Variants in CERT1 observed in about 807,000 individuals in gnomAD.
CERT1 encodes the protein ceramide transporter 1, also known as ceramide transfer protein.
CERT1 carries 31 observed loss-of-function variants against 87.9 expected under a neutral mutation model. The ratio of observed to expected loss-of-function variants is 0.35; its 90% CI spans 0.27 to 0.48. CERT1 has a LOEUF of 0.48. CERT1 is among the 20% of genes least tolerant of loss of function. CERT1 has a pLI of 0.99. For synonymous variants in CERT1, 289 were observed against 250.9 expected (o/e 1.15, Z -1.44); for missense variants, 487 against 758.0 (o/e 0.64, Z 4.20).
At chr5:75,407,834 G>A (rs973998159) in intron 8 of CERT1, among the ~76,000 whole-genome samples, 2 of 146,852 alleles carry the variant, frequency 1.4e-5, no homozygotes, top group East Asian at 2.0e-4. Context: ...GCCTTAAAGC[G>A]TGATAAAATA....
chr5:75,444,276 G>GA (rs1764444991), intron 3 of CERT1, among the ~76,000 whole-genome samples: 1 of 151,978 alleles, frequency 6.6e-6, no homozygotes, highest in Non-Finnish European at 1.5e-5. Flanking sequence ...GGCTGGTCTT[G>GA]AACTCCTGAC....
At chr5:75,371,858 A>G (rs549119423) in intron 17 of CERT1, 6 of 152,338 alleles carry the variant, frequency 3.9e-5, no homozygotes, top group Non-Finnish European at 7.3e-5. Flanking sequence ...GCTTAATGAA[A>G]ATAATTGTAG....
At chr5:75,441,928 G>C (rs568003518) in intron 3 of CERT1, among the ~76,000 whole-genome samples, 1 of 152,268 alleles carries the variant, frequency 6.6e-6, no homozygotes, top group East Asian at 1.9e-4. Flanking sequence ...ACCCAGAAGT[G>C]GTAGATCATA....
chr5:75,508,467 T>C (rs933034312), intron 1 of CERT1, among the ~76,000 whole-genome samples: 1 of 152,184 alleles, frequency 6.6e-6, no homozygotes, highest in African/African-American at 2.4e-5. Flanking sequence ...TATAAGAGAC[T>C]GAACAAACTG....
chr5:75,455,753 T>C (rs1326702869), intron 3 of CERT1, among the ~76,000 whole-genome samples: 1 of 152,190 alleles, frequency 6.6e-6, no homozygotes, highest in African/African-American at 2.4e-5. Flanking sequence ...GAATTGTTCA[T>C]AAACAGTCCG....
chr5:75,446,412 C>T (rs1764538705), intron 3 of CERT1, among the ~76,000 whole-genome samples: 1 of 152,082 alleles, frequency 6.6e-6, no homozygotes, highest in Admixed American at 6.6e-5. Context: ...TCTTAACTTT[C>T]CCCACATCTT....
At chr5:75,475,393 T>C (rs1202785538) in intron 2 of CERT1, among the ~76,000 whole-genome samples, 1 of 152,126 alleles carries the variant, frequency 6.6e-6, no homozygotes, top group Non-Finnish European at 1.5e-5. Context: ...CAATTTTCGT[T>C]TTAAGTGATA....
At chr5:75,477,595 T>C (rs4704223) in intron 2 of CERT1, among the ~76,000 whole-genome samples, 77,544 of 141,390 alleles carry the variant, frequency 0.55, 23,964 homozygotes, top group African/African-American at 0.87. Flanking sequence ...ATATATAGCA[T>C]ATATAAGTTC....
At chr5:75,508,660 C>T (rs1490891286) in intron 1 of CERT1, among the ~76,000 whole-genome samples, 1 of 152,052 alleles carries the variant, frequency 6.6e-6, no homozygotes, top group African/African-American at 2.4e-5. Flanking sequence ...AACAGGCCAG[C>T]AGACACAAAC....
intron 12 of CERT1, among the ~76,000 whole-genome samples, chr5:75,387,108 A>T (rs1343177839): frequency 6.6e-6 from 1 of 152,000 alleles, no homozygotes; most frequent in Non-Finnish European, 1.5e-5. Flanking sequence ...ACCTCAGATG[A>T]TCTGCCCGCC....
At chr5:75,397,816 C>T (rs1328237535) in intron 11 of CERT1, among the ~76,000 whole-genome samples, 1 of 152,084 alleles carries the variant, frequency 6.6e-6, no homozygotes, top group African/African-American at 2.4e-5. Flanking sequence ...GTCAGGAGTG[C>T]TAGACCAGCC....
At chr5:75,473,256 A>G (rs1232775887) in intron 2 of CERT1, among the ~76,000 whole-genome samples, 1 of 151,882 alleles carries the variant, frequency 6.6e-6, no homozygotes, top group Non-Finnish European at 1.5e-5. Flanking sequence ...CATTTTTTAA[A>G]TTTTTTGTAG....
chr5:75,503,871 T>A (rs114668145), intron 2 of CERT1, among the ~76,000 whole-genome samples: 6,322 of 39,970 alleles, frequency 0.16, 141 homozygotes, highest in African/African-American at 0.19. Context: ...CATTTAAATT[T>A]TTTGTTTAAT....
intron 2 of CERT1, among the ~76,000 whole-genome samples, chr5:75,486,228 C>T (rs191712102): frequency 6.6e-6 from 1 of 152,048 alleles, no homozygotes; most frequent in Non-Finnish European, 1.5e-5. Context: ...ACATTATATC[C>T]ACAGAATGAA....
At chr5:75,510,963 C>A in intron 1 of CERT1, 149 bp downstream of exon 1, 1 of 1,135,696 alleles carries the variant, frequency 8.8e-7, no homozygotes, top group Non-Finnish European at 1.2e-6. Context: ...CCCCTATATC[C>A]CCGCCTCATC....
intron 7 of CERT1, 23 bp from the exon 8 acceptor site, chr5:75,411,126 CTG>C: frequency 7.4e-7 from 1 of 1,350,684 alleles, no homozygotes; most frequent in Non-Finnish European, 1.0e-6. Context: ...AGTGAAAAAT[CTG>C]TAATTTGAGG....
intron 3 of CERT1, among the ~76,000 whole-genome samples, chr5:75,443,364 T>C (rs568726800): frequency 1.8e-4 from 27 of 152,334 alleles, no homozygotes; most frequent in Admixed American, 4.6e-4. Flanking sequence ...TTAGCACTGC[T>C]TTCACTGTAT....
chr5:75,434,186 G>GTTTT (rs370209071), intron 3 of CERT1, among the ~76,000 whole-genome samples: 4 of 126,766 alleles, frequency 3.2e-5, no homozygotes, highest in African/African-American at 5.9e-5. Flanking sequence ...GTTTGTTGAG[G>GTTTT]TTTTTTTTTT....
At chr5:75,472,606 A>G (rs970684772) in intron 2 of CERT1, among the ~76,000 whole-genome samples, 1 of 152,286 alleles carries the variant, frequency 6.6e-6, no homozygotes, top group Non-Finnish European at 1.5e-5. Context: ...ATGCACAAAC[A>G]CCTGAACAAA....
Sources: gnomAD v4.1 joint callset for allele counts (sites outside exome capture counted in the v4.1 genomes callset) on GRCh38, gnomAD v4.1.1 for gene constraint, MANE v1.5 for transcripts, NCBI Gene and HGNC (gene_info 2026-07-23, HGNC 2026-07-21) for gene names.